Variants in ZNF76 observed in about 807,000 individuals in gnomAD.
ZNF76 encodes the protein zinc finger protein 76, also known as zinc finger protein 523.
A neutral mutation model predicts 66.9 loss-of-function variants in ZNF76; 66 were observed. The observed-to-expected ratio is 0.99, with a 90% CI of 0.81 to 1.21. ZNF76 has a LOEUF of 1.21. Among genes scored for constraint, ZNF76 ranks in the 50% most tolerant of loss-of-function variants. The pLI, the probability that ZNF76 is intolerant of heterozygous loss-of-function variation, is 0.00. For missense variants in ZNF76, 729 were observed against 760.3 expected (o/e 0.96, Z 0.48); for synonymous variants, 275 against 296.1 (o/e 0.93, Z 0.73).
At chr6:35,285,832 G>A (rs898956713) in intron 2 of ZNF76, among the ~76,000 whole-genome samples, 1 of 152,330 alleles carries the variant, frequency 6.6e-6, no homozygotes, top group Non-Finnish European at 1.5e-5. Flanking sequence ...TATTAGGTTG[G>A]AAGTTTCCAC....
chr6:35,280,527 C>CG (rs962233580), intron 1 of ZNF76, among the ~76,000 whole-genome samples: 2 of 137,530 alleles, frequency 1.5e-5, no homozygotes, highest in African/African-American at 5.4e-5. Flanking sequence ...CCCCCCCCCC[C>CG]CCGCCCTGAA....
In ZNF76 at chr6:35,292,395, T is replaced by A; in HGVS notation, c.932-159T>A. On this transcript the variant is annotated intron_variant, in intron 9 of 13. Transcript: ENST00000373953. This position sits in a 1 kb window ranked among gnomAD's most constrained non-coding sequence, Gnocchi z 4.7. ...CACCTGTGTCCTCTCTGTGTTCCAC[T>A]GGCCATCTTCCCCAACCCTGTCCAT... 1 of 707,284 alleles carries A rather than the reference T, an allele frequency of 1.4e-6. No individual in the cohort carries two copies. The highest frequency in any genetic ancestry group is 2.5e-6 in the Non-Finnish European group (1 of 404,474). The allele number at this position is 707,284 out of a possible 1,614,324, so 43.8% of individuals were successfully genotyped here.
chr6:35,266,797 CT>C (rs57833954), intron 1 of ZNF76, among the ~76,000 whole-genome samples: 3,062 of 93,024 alleles, frequency 0.033, 28 homozygotes, highest in East Asian at 0.22. Flanking sequence ...TTGTCTATTT[CT>C]TTTTTTTTTT....
intron 1 of ZNF76, among the ~76,000 whole-genome samples, chr6:35,264,639 C>T (rs1401670013): frequency 9.2e-5 from 14 of 152,056 alleles, no homozygotes; most frequent in Non-Finnish European, 1.5e-5. Context: ...TAGCACTGTT[C>T]CTTGGAAAAC....
At position 35,287,709 on chromosome 6, in the gene ZNF76, A is replaced by T. The variant is rs752810193; in HGVS notation, c.296A>T (p.His99Leu). Residue 99 changes from histidine (H) to leucine (L), a missense_variant, in exon 5 of 14, where the codon CAC (histidine) becomes CTC (leucine). Physicochemically the swap from His to Leu is moderately conservative, Grantham distance 99. Coordinates refer to ENST00000373953, the MANE Select transcript of ZNF76 (RefSeq NM_003427.5). The surrounding 1 kb of genome is among the most constrained non-coding windows in gnomAD (Gnocchi z 4.0). ...GAAGATGGCTCCACTGCCTACATTCACCACCCTGTGGCTGTGCCATCGGAG... is the reference window on the plus strand; with the variant it reads ...GAAGATGGCTCCACTGCCTACATTCTCCACCCTGTGGCTGTGCCATCGGAG... Reference protein sequence around the residue: ...QLEDGSTAYIHHPVAVPSEST... With the variant: ...QLEDGSTAYILHPVAVPSEST... 20 of 1,614,020 alleles carry T rather than the reference A, an allele frequency of 1.2e-5. No individual in the cohort carries two copies. The highest frequency in any genetic ancestry group is 1.7e-6 in the Non-Finnish European group (2 of 1,180,022).
At chr6:35,288,215 C>T in intron 5 of ZNF76, 1 of 461,846 alleles carries the variant, frequency 2.2e-6, no homozygotes, top group Non-Finnish European at 4.3e-6. Context: ...GAAAGCCCTG[C>T]CAGTGACTTG....
chr6:35,262,529 G>C (rs780910185), intron 1 of ZNF76, among the ~76,000 whole-genome samples: 1 of 152,062 alleles, frequency 6.6e-6, no homozygotes, highest in Non-Finnish European at 1.5e-5. Context: ...CACCTCACTG[G>C]CACTTTACCC....
rs752294590 is a variant in ZNF76 at position 35,286,316 on chromosome 6, T to C, written c.155-6T>C. On this transcript the variant is annotated splice_region_variant and splice_polypyrimidine_tract_variant and intron_variant, in intron 3 of 13. Transcript: ENST00000373953. ...CAGGGAAAGGCAGGCATTGCTCTCG[T>C]TACAGAAGCTCTCTCCTTTGAGGAT... 2 of 1,614,176 alleles carry C rather than the reference T, an allele frequency of 1.2e-6. No homozygotes were observed. Among genetic ancestry groups the C allele is most frequent in the Non-Finnish European group, 1.7e-6 (2 of 1,180,014 alleles).
At chr6:35,291,194 G>C in intron 7 of ZNF76, 84 bp from the exon 8 acceptor site, 1 of 1,524,088 alleles carries the variant, frequency 6.6e-7, no homozygotes, top group Non-Finnish European at 8.9e-7. Flanking sequence ...CAAAGGAGGT[G>C]GAGAGCCTGT....
chr6:35,269,995 A>G (rs1582049938), intron 1 of ZNF76, among the ~76,000 whole-genome samples: 2 of 152,208 alleles, frequency 1.3e-5, no homozygotes, highest in South Asian at 4.1e-4. Flanking sequence ...CATCATATCA[A>G]CACTGGACTC....
intron 13 of ZNF76, 100 bp downstream of exon 13, chr6:35,294,669 C>G: frequency 1.2e-6 from 1 of 848,834 alleles, no homozygotes; most frequent in Admixed American, 2.0e-5. Context: ...GGGCATCTGA[C>G]TCAAAAAGAG....
intron 1 of ZNF76, among the ~76,000 whole-genome samples, chr6:35,263,951 A>G (rs994606429): frequency 1.3e-5 from 2 of 152,092 alleles, no homozygotes; most frequent in East Asian, 1.9e-4. Context: ...GGGTTTCACC[A>G]TGTTGGCCAG....
At chr6:35,290,520 C>A in intron 6 of ZNF76, 121 bp from the exon 7 acceptor site, 1 of 1,517,716 alleles carries the variant, frequency 6.6e-7, no homozygotes, top group Non-Finnish European at 9.0e-7. Flanking sequence ...GGAATGCCAG[C>A]ACAGAGCGCT....
chr6:35,295,309 G>T lies in ZNF76; in HGVS notation c.*61G>T, dbSNP rs1341275493. ...AAGTGCCATCTGCATGGCCACTCTT[G>T]CCCCCAAGGGCCCAGGCTGTGGCTG... On this transcript the variant is annotated 3_prime_UTR_variant, in exon 14 of 14. Transcript: ENST00000373953. 2.2e-6 allele frequency: 3 copies of T among 1,389,824 alleles called. No individual in the cohort carries two copies. The highest frequency in any genetic ancestry group is 3.0e-6 in the Non-Finnish European group (3 of 1,006,784). The allele number at this position is 1,389,824 out of a possible 1,614,324, so 86.1% of individuals were successfully genotyped here.
Position 35,293,825 on chromosome 6 carries a change from C to T in ZNF76, c.1404C>T (p.Thr468=), listed in dbSNP as rs1426656109. The stretch of plus-strand genomic sequence containing the variant: ...TGGTCACCCAGCACGGCAGCACCAC[C>T]CTCACCATCCCCAGTCCTGATGCCG... ...ISMVTQHGST[T]LTIPSPDADL... The change falls in exon 12 of 14, where the codon ACC becomes ACT. Residue 468 remains threonine (T), a synonymous_variant. Coordinates refer to ENST00000373953, the MANE Select transcript of ZNF76 (RefSeq NM_003427.5). The T allele has an allele frequency of 6.2e-7, 1 of 1,614,174 alleles. No homozygotes were observed. The highest frequency in any genetic ancestry group is 1.3e-5 in the African/African-American group (1 of 75,046).
intron 1 of ZNF76, among the ~76,000 whole-genome samples, chr6:35,265,464 G>A (rs1336539060): frequency 6.6e-6 from 1 of 150,484 alleles, no homozygotes; most frequent in Admixed American, 6.6e-5. Context: ...CTGAGATCAC[G>A]CTGCTGCACT....
At chr6:35,260,189 C>T (rs1200167916) in intron 1 of ZNF76, among the ~76,000 whole-genome samples, 1 of 152,130 alleles carries the variant, frequency 6.6e-6, no homozygotes, top group East Asian at 1.9e-4. Flanking sequence ...TTCTCAGAGA[C>T]CCACCAACCA....
chr6:35,295,162 T>A lies in ZNF76; in HGVS notation c.1627T>A (p.Leu543Ile). 1 of 1,612,452 alleles carries A rather than the reference T, an allele frequency of 6.2e-7. No homozygotes were observed. Among genetic ancestry groups the A allele is most frequent in the Non-Finnish European group, 8.5e-7 (1 of 1,179,310 alleles). The change falls in exon 14 of 14, where the codon TTA (leucine) becomes ATA (isoleucine). Residue 543 changes from leucine to isoleucine, a missense_variant. Coordinates refer to ENST00000373953, the MANE Select transcript of ZNF76 (RefSeq NM_003427.5). ...IAVQLEEQQT[L>I]EEAINVATAA... ...CCCACAGCTGGAGGAACAGCAGACCTTAGAGGAGGCCATCAATGTGGCCAC... is the reference window on the plus strand; with the variant it reads ...CCCACAGCTGGAGGAACAGCAGACCATAGAGGAGGCCATCAATGTGGCCAC...
chr6:35,274,616 T>C (rs1787611802), intron 1 of ZNF76, among the ~76,000 whole-genome samples: 1 of 152,112 alleles, frequency 6.6e-6, no homozygotes, highest in Non-Finnish European at 1.5e-5. Context: ...TCCCAGCCAC[T>C]CAGGAGGCTA....
Sources: allele counts gnomAD v4.1 joint callset (sites outside exome capture counted in the v4.1 genomes callset), GRCh38; gene constraint gnomAD v4.1.1; non-coding constraint Gnocchi (gnomAD v3.1); transcripts MANE v1.5; gene names NCBI Gene and HGNC (gene_info 2026-07-23, HGNC 2026-07-21).